The following MTMR10 variants were observed in gnomAD, a reference collection of about 807,000 sequenced individuals.
The protein encoded by MTMR10 is myotubularin-related protein 10.
MTMR10 carries 56 observed loss-of-function variants against 88.1 expected under a neutral mutation model. That is an observed-to-expected ratio of 0.64 (90% CI 0.51 to 0.79). The LOEUF (loss-of-function observed/expected upper bound fraction) is 0.79. Among genes scored for constraint, MTMR10 ranks in the 30% least tolerant of loss-of-function variants. The pLI is 0.00. For missense variants in MTMR10, 883 were observed against 924.7 expected (o/e 0.95, Z 0.58); for synonymous variants, 380 against 340.9 (o/e 1.11, Z -1.26).
the MTMR10 span, chr15:30,922,275 TTTA>T: frequency 6.2e-7 from 1 of 1,613,606 alleles, no homozygotes; most frequent in Non-Finnish European, 8.5e-7. Flanking sequence ...TCTCAGAGAA[TTTA>T]TTGTCCTGAC....
chr15:30,989,935 T>C (rs1487468630), intron 2 of MTMR10, among the ~76,000 whole-genome samples: 2 of 152,174 alleles, frequency 1.3e-5, no homozygotes, highest in Non-Finnish European at 2.9e-5. Context: ...CTTCCCCTAA[T>C]AATCGCATTA....
chr15:30,974,308 T>C lies in MTMR10; in HGVS notation c.474+6A>G, dbSNP rs778223035. 1.3e-6 allele frequency: 2 copies of C among 1,594,050 alleles called. No individual in the cohort carries two copies. Among genetic ancestry groups the C allele is most frequent in the East Asian group, 4.5e-5 (2 of 44,454 alleles). On this transcript the variant is annotated splice_donor_region_variant and intron_variant, in intron 5 of 15. Transcript: ENST00000435680. ...CCCAGAACTTGATAAACCTTAACAGTATTACCTTTTTAGCACTTTCGGGAC... is the reference window on the plus strand; with the variant it reads ...CCCAGAACTTGATAAACCTTAACAGCATTACCTTTTTAGCACTTTCGGGAC...
rs1410725167 is a variant in MTMR10 at position 30,974,996 on chromosome 15, T to C, written c.266A>G (p.His89Arg). ...TDDPMPLQKF[H>R]YRNLLLGEHD... ...TTCACCAAGAAGAAGGTTTCTGTAA[T>C]GGAATTTCTGGAATAAAAAATTATG... The change falls in exon 4 of 16, where the codon CAT becomes CGT. Residue 89 changes from histidine to arginine, a missense_variant. Physicochemically the swap from His to Arg is conservative, Grantham distance 29. Transcript: ENST00000435680. 8 of 1,554,700 alleles carry C rather than the reference T, an allele frequency of 5.1e-6. No individual in the cohort carries two copies. The highest frequency in any genetic ancestry group is 7.0e-6 in the Non-Finnish European group (8 of 1,145,338).
Position 30,939,546 on chromosome 15 carries a change from T to G in MTMR10, c.*1924A>C. On this transcript the variant is annotated 3_prime_UTR_variant, in exon 16 of 16. Coordinates refer to ENST00000435680, the MANE Select transcript of MTMR10 (RefSeq NM_017762.3). ...ACTGTCCAGCAAAAATAAAAGTATTTTACATTTGATTATCATACAAAAATA... is the reference window on the plus strand; with the variant it reads ...ACTGTCCAGCAAAAATAAAAGTATTGTACATTTGATTATCATACAAAAATA... The G allele has an allele frequency of 1.0e-6, 1 of 969,670 alleles. No individual in the cohort carries two copies. The highest frequency in any genetic ancestry group is 1.2e-6 in the Non-Finnish European group (1 of 815,708). 60.1% of individuals were successfully genotyped at this position (969,670 alleles called of 1,614,324 possible).
intron 13 of MTMR10, 110 bp from the exon 14 acceptor site, chr15:30,947,410 G>A (rs912182029): frequency 1.5e-6 from 2 of 1,298,494 alleles, no homozygotes; most frequent in Non-Finnish European, 2.1e-6. Context: ...AGAAAACATC[G>A]AAGCCTAAAA....
intron 12 of MTMR10, chr15:30,949,210 G>A (rs532626653): frequency 4.6e-5 from 7 of 152,080 alleles, no homozygotes; most frequent in African/African-American, 1.7e-4. Flanking sequence ...TATTTAAACT[G>A]ATCAGAGACA....
the MTMR10 span, among the ~76,000 whole-genome samples, chr15:30,919,002 A>AT: frequency 6.6e-6 from 1 of 152,228 alleles, no homozygotes; most frequent in Non-Finnish European, 1.5e-5. Context: ...TACATAGTCA[A>AT]TTAACACACA....
At chr15:30,944,551 G>A (rs1338598750) in intron 14 of MTMR10, among the ~76,000 whole-genome samples, 1 of 142,026 alleles carries the variant, frequency 7.0e-6, no homozygotes, top group Non-Finnish European at 1.5e-5. Context: ...GGGTGATAGA[G>A]CAAGACTCTG....
At chr15:30,925,367 G>C in the MTMR10 span, 1 of 1,352,792 alleles carries the variant, frequency 7.4e-7, no homozygotes, top group South Asian at 1.3e-5. Context: ...CATCCTAAGA[G>C]CTGTTTTGAG....
intron 2 of MTMR10, among the ~76,000 whole-genome samples, chr15:30,988,579 A>G (rs937209091): frequency 3.3e-5 from 5 of 152,254 alleles, no homozygotes; most frequent in African/African-American, 9.6e-5. Context: ...CTTCCCCAGA[A>G]AACTCTGACT....
chr15:30,967,861 A>G (rs1323520860), intron 6 of MTMR10, 59 bp downstream of exon 6: 6 of 1,386,376 alleles, frequency 4.3e-6, no homozygotes, highest in Admixed American at 4.1e-5. Context: ...TCCGGTAAAC[A>G]TAAGAGTAAA....
At chr15:30,943,941 CT>C (rs1273402923) in intron 14 of MTMR10, 26 of 985,292 alleles carry the variant, frequency 2.6e-5, no homozygotes, top group Non-Finnish European at 2.9e-5. Context: ...GAGGAAATAA[CT>C]CCAGACACAA....
At chr15:30,961,566 C>T (rs2063402913) in intron 6 of MTMR10, among the ~76,000 whole-genome samples, 1 of 151,902 alleles carries the variant, frequency 6.6e-6, no homozygotes, top group South Asian at 2.1e-4. Flanking sequence ...TAGTCTTGTC[C>T]TTATCCAGCT....
chr15:30,952,603 T>C (rs2063264951), intron 11 of MTMR10, among the ~76,000 whole-genome samples: 1 of 152,126 alleles, frequency 6.6e-6, no homozygotes. Flanking sequence ...TGGCCTCAAG[T>C]GATCCTCCTG....
chr15:30,933,251 A>G, the MTMR10 span, among the ~76,000 whole-genome samples: 2 of 152,142 alleles, frequency 1.3e-5, no homozygotes, highest in Non-Finnish European at 2.9e-5. Context: ...CTTTTCTAAT[A>G]GAGTTAGGTA....
At chr15:30,954,714 A>C in intron 10 of MTMR10, 49 bp downstream of exon 10, 1 of 1,479,498 alleles carries the variant, frequency 6.8e-7, no homozygotes, top group Non-Finnish European at 9.0e-7. Context: ...CATCTCATGC[A>C]ACTCTGTATC....
chr15:30,929,651 A>T, the MTMR10 span, among the ~76,000 whole-genome samples: 256 of 70,660 alleles, frequency 3.6e-3, 4 homozygotes, highest in African/African-American at 0.014. Flanking sequence ...ACAATATATA[A>T]TATAATATAT....
In MTMR10 at chr15:30,941,314, G is replaced by A; in HGVS notation, c.*156C>T. ...CATCTCTCTTAAAATAAGTGTGAAA[G>A]AAGCATGATTCAACATGTTTTTAAA... On this transcript the variant is annotated 3_prime_UTR_variant, in exon 16 of 16. Transcript: ENST00000435680. 3 of 1,527,760 alleles carry A rather than the reference G, an allele frequency of 2.0e-6. No individual in the cohort carries two copies. Among genetic ancestry groups the A allele is most frequent in the South Asian group, 2.4e-5 (2 of 82,874 alleles). The allele number at this position is 1,527,760 out of a possible 1,614,324, so 94.6% of individuals were successfully genotyped here. A position where few individuals can be genotyped will look rare whatever the true frequency, so the allele number is the denominator to read the frequency against.
Position 30,948,423 on chromosome 15 carries a change from A to T in MTMR10, c.1256T>A (p.Val419Glu). 2 of 1,612,756 alleles carry T rather than the reference A, an allele frequency of 1.2e-6. No homozygotes were observed. Among genetic ancestry groups the T allele is most frequent in the Non-Finnish European group, 1.7e-6 (2 of 1,179,220 alleles). Residue 419 changes from valine (V) to glutamate (E), a missense_variant, in exon 13 of 16, where the codon GTG (valine) becomes GAG (glutamate). By Grantham distance (121) the Val-to-Glu change is moderately radical. Transcript: ENST00000435680. ...TGTCCTAAAATAGGGATCCAGCATCACTTGAACAAGAGAAGCTACACAACA... is the reference window on the plus strand; with the variant it reads ...TGTCCTAAAATAGGGATCCAGCATCTCTTGAACAAGAGAAGCTACACAACA... ...LSCCVASLVQVMLDPYFRTIT... is the reference protein window; with the variant it reads ...LSCCVASLVQEMLDPYFRTIT...
Sources: allele counts gnomAD v4.1 joint callset (sites outside exome capture counted in the v4.1 genomes callset), GRCh38; gene constraint gnomAD v4.1.1; transcripts MANE v1.5; gene names NCBI Gene and HGNC (gene_info 2026-07-23, HGNC 2026-07-21).